Variants in CYTH1 observed in about 807,000 individuals in gnomAD.
The protein encoded by CYTH1 is cytohesin-1.
CYTH1 carries 18 observed loss-of-function variants against 61.8 expected under a neutral mutation model. The observed-to-expected ratio is 0.29, with a 90% CI of 0.20 to 0.43. The LOEUF is 0.43. Among genes scored for constraint, CYTH1 ranks in the 20% least tolerant of loss-of-function variants. The probability of loss-of-function intolerance (pLI) is 1.00; values close to 1 mark genes in which losing one functional copy is unlikely to be tolerated. For missense variants in CYTH1, 336 were observed against 510.5 expected, an observed-to-expected ratio of 0.66 and a Z score of 3.29; for synonymous variants, 174 against 184.3, an observed-to-expected ratio of 0.94 and a Z score of 0.45.
In CYTH1 at chr17:78,760,485, G is replaced by GTA. The variant is rs1206952618; in HGVS notation, c.22+21715_22+21716dup. 5.8e-3 allele frequency among the ~76,000 whole-genome samples: 189 copies of GTA among 32,686 alleles called. 12 individuals carry two copies. The highest frequency in any genetic ancestry group is 0.014 in the African/African-American group (96 of 7,066). 21.4% of individuals were successfully genotyped at this position (32,686 alleles called of 152,430 possible). ...CATATATATATGTATATATATGTAT[G>GTA]TATATATATATACATATATATGTAT... On this transcript the variant is annotated intron_variant, in intron 1 of 13. Transcript: ENST00000446868.
At chr17:78,752,307 AT>A (rs1487079118) in intron 1 of CYTH1, among the ~76,000 whole-genome samples, 1 of 152,220 alleles carries the variant, frequency 6.6e-6, no homozygotes, top group Non-Finnish European at 1.5e-5. Flanking sequence ...TTTAATAAGC[AT>A]TTTTATAGAG....
intron 11 of CYTH1, among the ~76,000 whole-genome samples, chr17:78,682,697 G>C: frequency 6.6e-6 from 1 of 152,226 alleles, no homozygotes; most frequent in East Asian, 1.9e-4. Context: ...CCTCCTCCAA[G>C]ACTGGGAAGC....
At position 78,757,816 on chromosome 17, in the gene CYTH1, G is replaced by A. The variant is rs146028417; in HGVS notation, c.22+24386C>T. 1.7e-3 allele frequency among the ~76,000 whole-genome samples: 254 copies of A among 152,010 alleles called. 5 individuals are homozygous for A. In the East Asian group the frequency reaches 0.044, roughly 26 times the overall value. ...AGGCATGGCTACTTGGGAGGCTGAG[G>A]CAGGGGAATTGCTTGAACCAGGGAG... is the stretch of plus-strand genomic sequence containing the variant. On this transcript the variant is annotated intron_variant, in intron 1 of 13. Transcript: ENST00000446868.
At chr17:78,701,542 CCAAAATACTT>C in intron 6 of CYTH1, 119 bp downstream of exon 6, 1 of 906,070 alleles carries the variant, frequency 1.1e-6, no homozygotes, top group South Asian at 1.6e-5. Flanking sequence ...TTTCTTCCCT[CCAAAATACTT>C]CAAAATATTC....
chr17:78,781,612 C>A (rs11650046), intron 1 of CYTH1, among the ~76,000 whole-genome samples: 61,505 of 151,960 alleles, frequency 0.4, 14,920 homozygotes, highest in Non-Finnish European at 0.53. Context: ...GAGCCCGCGC[C>A]TCGCCGGCGG....
At chr17:78,751,161 T>C (rs1412086029) in intron 1 of CYTH1, among the ~76,000 whole-genome samples, 1 of 152,026 alleles carries the variant, frequency 6.6e-6, no homozygotes, top group African/African-American at 2.4e-5. Context: ...CTATTTTTAG[T>C]AGACACAGGG....
At chr17:78,694,536 T>C (rs913660259) in intron 10 of CYTH1, among the ~76,000 whole-genome samples, 3 of 152,168 alleles carry the variant, frequency 2.0e-5, no homozygotes, top group African/African-American at 7.2e-5. Flanking sequence ...AGCCAATTTG[T>C]TCTTAAAAAG....
intron 1 of CYTH1, among the ~76,000 whole-genome samples, chr17:78,713,172 AAAC>A (rs1276113260): frequency 6.6e-6 from 1 of 152,074 alleles, no homozygotes; most frequent in African/African-American, 2.4e-5. Flanking sequence ...CCGTTTTGAA[AAAC>A]AACATCAACT....
chr17:78,754,451 C>T (rs905059367), intron 1 of CYTH1, among the ~76,000 whole-genome samples: 2 of 151,992 alleles, frequency 1.3e-5, no homozygotes, highest in African/African-American at 4.8e-5. Context: ...TTAAGCAATC[C>T]TCCCACCTTA....
intron 1 of CYTH1, among the ~76,000 whole-genome samples, chr17:78,711,231 C>T (rs1488081100): frequency 6.6e-6 from 1 of 151,112 alleles, no homozygotes; most frequent in African/African-American, 2.4e-5. Context: ...CATTGCCCTC[C>T]AGCCTGGGAG....
chr17:78,702,294 A>C lies in CYTH1; in HGVS notation c.238-54T>G, dbSNP rs74001210. The C allele has an allele frequency of 8.0e-4, 1,137 of 1,429,926 alleles. 7 individuals are homozygous for C. The African/African-American group carries it at 0.014, about 17-fold the overall frequency. 88.6% of individuals were successfully genotyped at this position (1,429,926 alleles called of 1,614,324 possible). ...ATGCTTTGCTGGGAAACAGTTGAAA[A>C]GAAGGGGAAAGGGCACAGGAAGAAA... On this transcript the variant is annotated intron_variant, in intron 4 of 13. Coordinates refer to ENST00000446868, the MANE Select transcript of CYTH1 (RefSeq NM_004762.6).
chr17:78,759,288 G>A (rs909563783), intron 1 of CYTH1, among the ~76,000 whole-genome samples: 4 of 152,150 alleles, frequency 2.6e-5, no homozygotes, highest in East Asian at 1.9e-4. Flanking sequence ...GTAAGTGGAC[G>A]CAGCCTCAGT....
At chr17:78,709,574 A>T in intron 2 of CYTH1, 76 bp downstream of exon 2, 1 of 1,513,038 alleles carries the variant, frequency 6.6e-7, no homozygotes, top group Non-Finnish European at 9.2e-7. Flanking sequence ...GACACTCTGC[A>T]AAGGACACCC....
Position 78,709,713 on chromosome 17 carries a change from T to G in CYTH1, c.42A>C (p.Ala14=), listed in dbSNP as rs35779182. Residue 14 remains alanine, a synonymous_variant, in exon 2 of 14, where the codon GCA becomes GCC. Transcript: ENST00000446868. The part of the protein sequence containing the change: ...DDSYVPSDLT[A]EERQELENIR... ...TGTTCTCCAGTTCTTGACGCTCCTCTGCTGTCAGGTCACTGGGAACTACAA... is the reference window on the plus strand; with the variant it reads ...TGTTCTCCAGTTCTTGACGCTCCTCGGCTGTCAGGTCACTGGGAACTACAA... 4,231 of 1,614,180 alleles carry G rather than the reference T, an allele frequency of 2.6e-3. 100 individuals carry two copies. The African/African-American group carries it at 0.051, about 19-fold the overall frequency.
At chr17:78,686,320 A>T (rs539184322) in intron 11 of CYTH1, among the ~76,000 whole-genome samples, 2 of 152,354 alleles carry the variant, frequency 1.3e-5, no homozygotes, top group Non-Finnish European at 2.9e-5. Flanking sequence ...CTATGATTAT[A>T]TATTAATGGT....
intron 1 of CYTH1, among the ~76,000 whole-genome samples, chr17:78,779,149 C>G (rs2093505891): frequency 6.6e-6 from 1 of 152,110 alleles, no homozygotes; most frequent in Non-Finnish European, 1.5e-5. Flanking sequence ...GCCTGTAATC[C>G]CAGCACTTTG....
At chr17:78,750,664 G>A (rs2093376431) in intron 1 of CYTH1, among the ~76,000 whole-genome samples, 1 of 151,958 alleles carries the variant, frequency 6.6e-6, no homozygotes, top group Non-Finnish European at 1.5e-5. Context: ...AAATTAGATG[G>A]GTGAGGTGGT....
intron 10 of CYTH1, 143 bp downstream of exon 10, chr17:78,695,864 G>A: frequency 8.2e-7 from 1 of 1,224,352 alleles, no homozygotes; most frequent in Non-Finnish European, 1.1e-6. Context: ...CAGTTCCCTA[G>A]GGACTGTACA....
chr17:78,744,178 A>T (rs1032513591), intron 1 of CYTH1, among the ~76,000 whole-genome samples: 2 of 152,216 alleles, frequency 1.3e-5, no homozygotes, highest in East Asian at 1.9e-4. Context: ...TTCAGAAATT[A>T]AACCTTCATG....
Sources: gnomAD v4.1 joint callset for allele counts (sites outside exome capture counted in the v4.1 genomes callset) on GRCh38, gnomAD v4.1.1 for gene constraint, MANE v1.5 for transcripts, NCBI Gene and HGNC (gene_info 2026-07-23, HGNC 2026-07-21) for gene names.